The following BRPF1 variants were observed in gnomAD, a reference collection of about 807,000 sequenced individuals.
BRPF1 encodes the protein bromodomain and PHD finger containing 1.
Under a neutral mutation model 115.0 loss-of-function variants are expected in BRPF1, and 15 were observed. The ratio of observed to expected loss-of-function variants is 0.13; its 90% CI spans 0.09 to 0.20. The LOEUF is 0.20. Ranked by LOEUF, BRPF1 falls within the 10% of genes least tolerant of loss-of-function variation. BRPF1 has a pLI of 1.00. For missense variants in BRPF1, 1,118 were observed against 1,638.3 expected, an observed-to-expected ratio of 0.68 and a Z score of 5.48; for synonymous variants, 647 against 619.8, an observed-to-expected ratio of 1.04 and a Z score of -0.65.
chr3:9,745,773 C>T lies in BRPF1; in HGVS notation c.3206-39C>T. On this transcript the variant is annotated intron_variant, in intron 11 of 13. Coordinates refer to ENST00000383829, the MANE Select transcript of BRPF1 (RefSeq NM_001003694.2). The surrounding 1 kb of genome is among the most constrained non-coding windows in gnomAD (Gnocchi z 5.1). The stretch of plus-strand genomic sequence containing the variant: ...CAGTGTCAGGGTCTCGCCAGCCCCC[C>T]AGCTGCTGATCCACCCCCTCTCCCC... 1 of 1,610,862 alleles carries T rather than the reference C, an allele frequency of 6.2e-7. No individual in the cohort carries two copies. Among genetic ancestry groups the T allele is most frequent in the Non-Finnish European group, 8.5e-7 (1 of 1,177,334 alleles).
Position 9,734,552 on chromosome 3 carries a change from A to G in BRPF1, c.412A>G (p.Asn138Asp). ...CCCTGAGAATGGCAGCAACAAGGAG[A>G]ACACTGAGACACCAGCTGCTACTCC... ...EAPENGSNKE[N>D]TETPAATPKS... The change falls in exon 2 of 14, where the codon AAC becomes GAC. Residue 138 changes from asparagine to aspartate, a missense_variant. By Grantham distance (23) the Asn-to-Asp change is conservative. Around this residue, in one of 10 missense-constraint regions of BRPF1, gnomAD observed 280 missense variants for 382.8 expected, o/e 0.73. Coordinates refer to ENST00000383829, the MANE Select transcript of BRPF1 (RefSeq NM_001003694.2). This position sits in a 1 kb window ranked among gnomAD's most constrained non-coding sequence, Gnocchi z 5.7. 6.2e-7 allele frequency: 1 copy of G among 1,614,114 alleles called. No homozygotes were observed. The highest frequency in any genetic ancestry group is 1.1e-5 in the South Asian group (1 of 91,076).
Position 9,743,465 on chromosome 3 carries a change from G to A in BRPF1, c.2312-113G>A, listed in dbSNP as rs1035655775. ...ATCTTGGTGCTGCTATTTTACAGCT[G>A]TTCCTGGTGAGAAGCCCAGGGGGGA... is the stretch of plus-strand genomic sequence containing the variant. On this transcript the variant is annotated intron_variant, in intron 7 of 13. Coordinates refer to ENST00000383829, the MANE Select transcript of BRPF1 (RefSeq NM_001003694.2). The surrounding 1 kb of genome is among the most constrained non-coding windows in gnomAD (Gnocchi z 6.1). 31 of 1,317,742 alleles carry A rather than the reference G, an allele frequency of 2.4e-5. No homozygotes were observed. The African/African-American group carries it at 3.7e-4, about 16-fold the overall frequency. The allele number at this position is 1,317,742 out of a possible 1,614,324, so 81.6% of individuals were successfully genotyped here.
intron 4 of BRPF1, 134 bp downstream of exon 4, chr3:9,741,075 A>C (rs1310497647): frequency 1.9e-6 from 2 of 1,074,238 alleles, no homozygotes; most frequent in African/African-American, 1.6e-5. Flanking sequence ...AACCAGGATC[A>C]GCATGGAATG....
In BRPF1 at chr3:9,739,053, C is replaced by T. The variant is rs17050537; in HGVS notation, c.654C>T (p.Asp218=). The T allele has an allele frequency of 1.2e-3, 1,917 of 1,608,842 alleles. 22 individuals are homozygous for T. In the African/African-American group the frequency reaches 0.022, roughly 19 times the overall value. ...ACGAGGAAGTAGAGTATGACATGGA[C>T]GAGGAGGACTACATCTGGCTGGATA... ...ELDEEVEYDM[D]EEDYIWLDIM... Residue 218 remains aspartate, a synonymous_variant, in exon 3 of 14, where the codon GAC becomes GAT. Coordinates refer to ENST00000383829, the MANE Select transcript of BRPF1 (RefSeq NM_001003694.2).
rs2077068487 is a variant in BRPF1, at chr3:9,743,586, G to A, written c.2320G>A (p.Glu774Lys). 1 of 1,612,588 alleles carries A rather than the reference G, an allele frequency of 6.2e-7. No individual in the cohort carries two copies. ...TCCAACCCTACCCCTAGCAGCCGAGGAAGAGCGGCTGGTCTTGCTGGAGAA... is the reference window on the plus strand; with the variant it reads ...TCCAACCCTACCCCTAGCAGCCGAGAAAGAGCGGCTGGTCTTGCTGGAGAA... ...ATHHTEDAAE[E>K]ERLVLLENQK... The change falls in exon 8 of 14, where the codon GAA becomes AAA. Residue 774 changes from glutamate to lysine, a missense_variant. By Grantham distance (56) the Glu-to-Lys change is moderately conservative. Transcript: ENST00000383829. The surrounding 1 kb of genome is among the most constrained non-coding windows in gnomAD (Gnocchi z 6.1).
At position 9,745,020 on chromosome 3, in the gene BRPF1, A is replaced by C; in HGVS notation, c.2933A>C (p.Asn978Thr). The change falls in exon 10 of 14, where the codon AAT becomes ACT. Residue 978 changes from asparagine to threonine, a missense_variant. Transcript: ENST00000383829. This position sits in a 1 kb window ranked among gnomAD's most constrained non-coding sequence, Gnocchi z 5.1. ...CCCTTCAACCAAGACTTACCAGCCA[A>C]TGGCTTCAGCGGTGGAAACCAACCA... ...TEDPPMDLPA[N>T]GFSGGNQPVK... 6.2e-7 allele frequency: 1 copy of C among 1,614,192 alleles called. No homozygotes were observed. The highest frequency in any genetic ancestry group is 8.5e-7 in the Non-Finnish European group (1 of 1,180,022).
chr3:9,747,467 C>G lies in BRPF1; in HGVS notation c.*118C>G. ...TCATTTCTGGTCTTGGGGCCAGTCT[C>G]AGGGGAAGCTGGGTGGGGGAGGTCC... On this transcript the variant is annotated 3_prime_UTR_variant, in exon 14 of 14. Transcript: ENST00000383829. The surrounding 1 kb of genome is among the most constrained non-coding windows in gnomAD (Gnocchi z 5.6). The G allele has an allele frequency of 7.6e-7, 1 of 1,316,986 alleles. No homozygotes were observed. Among genetic ancestry groups the G allele is most frequent in the Non-Finnish European group, 1.1e-6 (1 of 952,130 alleles). 81.6% of individuals were successfully genotyped at this position (1,316,986 alleles called of 1,614,324 possible).
rs2125511490 is a variant in BRPF1, at chr3:9,744,376, G to A, written c.2788G>A (p.Gly930Arg). 1.9e-6 allele frequency: 3 copies of A among 1,613,186 alleles called. No individual in the cohort carries two copies. The highest frequency in any genetic ancestry group is 2.2e-5 in the East Asian group (1 of 44,820). ...GGAGAGCCAGATGACCCCCAGCCAC[G>A]GAGGCAGTCCTGTGGGGCCCCCCCA... ...NRESQMTPSH[G>R]GSPVGPPQLP... The change falls in exon 9 of 14, where the codon GGA becomes AGA. Residue 930 changes from glycine to arginine, a missense_variant. By Grantham distance (125) the Gly-to-Arg change is moderately radical (BLOSUM62 -2). This residue lies in a region of BRPF1 where 92 missense variants were observed against 102.2 expected (regional missense o/e 0.90). Coordinates refer to ENST00000383829, the MANE Select transcript of BRPF1 (RefSeq NM_001003694.2).
At position 9,745,667 on chromosome 3, in the gene BRPF1, G is replaced by A; in HGVS notation, c.3163G>A (p.Glu1055Lys). Residue 1055 changes from glutamate to lysine, a missense_variant, in exon 11 of 14, where the codon GAG (glutamate) becomes AAG (lysine). Physicochemically the swap from Glu to Lys is moderately conservative, Grantham distance 56. Transcript: ENST00000383829. The surrounding 1 kb of genome is among the most constrained non-coding windows in gnomAD (Gnocchi z 5.1). ...TGAGGATACCTCAGGCACTGAGAAT[G>A]AGGCCTACTCCGTGGGCACTGGCCG... ...SSEDTSGTEN[E>K]AYSVGTGRGV... The A allele has an allele frequency of 6.2e-7, 1 of 1,614,274 alleles. No homozygotes were observed. The highest frequency in any genetic ancestry group is 8.5e-7 in the Non-Finnish European group (1 of 1,180,054).
At chr3:9,740,138 T>G (rs184154887) in intron 3 of BRPF1, among the ~76,000 whole-genome samples, 180 bp downstream of exon 3, 64 of 152,354 alleles carry the variant, frequency 4.2e-4, no homozygotes, top group Non-Finnish European at 7.3e-4. Flanking sequence ...ACTTTCACAT[T>G]AAGAGCCAGA....
At chr3:9,742,276 C>T (rs1234769126) in intron 6 of BRPF1, 105 bp downstream of exon 6, 1 of 1,536,320 alleles carries the variant, frequency 6.5e-7, no homozygotes, top group Non-Finnish European at 8.7e-7. Context: ...AAGAGAGGGG[C>T]TGGTGGCTCT....
At chr3:9,741,733 C>T (rs2077035202) in intron 5 of BRPF1, among the ~76,000 whole-genome samples, 1 of 151,896 alleles carries the variant, frequency 6.6e-6, no homozygotes, top group Non-Finnish European at 1.5e-5. Context: ...TCTCCTGGTG[C>T]TCGGTGTGCT....
intron 5 of BRPF1, among the ~76,000 whole-genome samples, 155 bp from the exon 6 acceptor site, chr3:9,741,870 G>C (rs1194784298): frequency 6.6e-6 from 1 of 152,196 alleles, no homozygotes; most frequent in Non-Finnish European, 1.5e-5. Flanking sequence ...AAGTTTCCCT[G>C]GGTGGAGCCT....
In BRPF1 at chr3:9,734,773, C is replaced by G; in HGVS notation, c.599+34C>G. The G allele has an allele frequency of 6.2e-7, 1 of 1,608,542 alleles. No homozygotes were observed. ...ACCTCTACCTTGCAGCTCTGGAAAA[C>G]TGGTCAAGCAGGGCTCACTAGCCAG... On this transcript the variant is annotated intron_variant, in intron 2 of 13. Transcript: ENST00000383829. This position sits in a 1 kb window ranked among gnomAD's most constrained non-coding sequence, Gnocchi z 5.7.
At chr3:9,732,771 C>T (rs2076876479) in intron 1 of BRPF1, 1 of 152,232 alleles carries the variant, frequency 6.6e-6, no homozygotes, top group African/African-American at 2.4e-5. Context: ...CTGGAGCAGC[C>T]CACTTGCCTG....
chr3:9,743,194 C>T lies in BRPF1; in HGVS notation c.2252C>T (p.Thr751Met), dbSNP rs755316088. 3.2e-5 allele frequency: 51 copies of T among 1,614,120 alleles called. No homozygotes were observed. Among genetic ancestry groups the T allele is most frequent in the Non-Finnish European group, 4.1e-5 (48 of 1,180,048 alleles). ...QAEKMGIDFE[T>M]GMHIPHSLAG... ...GAAAAAATGGGCATTGACTTTGAGA[C>T]GGGCATGCATATCCCCCACAGCCTG... Residue 751 changes from threonine to methionine, a missense_variant, in exon 7 of 14, where the codon ACG (threonine) becomes ATG (methionine). By Grantham distance (81) the Thr-to-Met change is moderately conservative. Transcript: ENST00000383829. The surrounding 1 kb of genome is among the most constrained non-coding windows in gnomAD (Gnocchi z 6.1).
Position 9,739,332 on chromosome 3 carries a change from T to C in BRPF1, c.933T>C (p.Pro311=), listed in dbSNP as rs1186137856. 1.9e-6 allele frequency: 3 copies of C among 1,614,086 alleles called. No individual in the cohort carries two copies. The highest frequency in any genetic ancestry group is 3.3e-5 in the Admixed American group (2 of 60,008). The change falls in exon 3 of 14, where the codon CCT becomes CCC. Residue 311 remains proline (P), a synonymous_variant. Coordinates refer to ENST00000383829, the MANE Select transcript of BRPF1 (RefSeq NM_001003694.2). ...AGTGCTACGGTGTCCCCTATATCCC[T>C]GAGGGCCAGTGGCTGTGCCGCCGTT... ...HQECYGVPYI[P]EGQWLCRRCL...
At position 9,745,154 on chromosome 3, in the gene BRPF1, A is replaced by G. The variant is rs2125513589; in HGVS notation, c.3067A>G (p.Ser1023Gly). The change falls in exon 10 of 14, where the codon AGC (serine) becomes GGC (glycine). Residue 1023 changes from serine to glycine, a missense_variant and splice_region_variant. This residue lies in a region of BRPF1 where 100 missense variants were observed against 109.9 expected (regional missense o/e 0.91). Transcript: ENST00000383829. This position sits in a 1 kb window ranked among gnomAD's most constrained non-coding sequence, Gnocchi z 5.1. Reference sequence around the variant, plus strand: ...TAGCAGCGCTGCTTCAGACCGGACCAGGTACCAGCCCTCCAGATCGAGGCC... The same window carrying G: ...TAGCAGCGCTGCTTCAGACCGGACCGGGTACCAGCCCTCCAGATCGAGGCC... ...SSSSAASDRTSTTPSKQGRGK... is the reference protein window; with the variant it reads ...SSSSAASDRTGTTPSKQGRGK... The G allele has an allele frequency of 6.2e-7, 1 of 1,613,828 alleles. No individual in the cohort carries two copies. The highest frequency in any genetic ancestry group is 8.5e-7 in the Non-Finnish European group (1 of 1,179,898).
rs565504614 is a variant in BRPF1, at chr3:9,746,335, C to T, written c.3360C>T (p.Phe1120=). The T allele has an allele frequency of 3.1e-6, 5 of 1,593,160 alleles. No homozygotes were observed. In the African/African-American group the frequency reaches 4.0e-5, roughly 13 times the overall value. ...CAAAGATGCCCCGAGAAGGTATGTT[C>T]CACCATGGGGTTCCCATCCCTGTGC... ...IDPKMPREGM[F]HHGVPIPVPP... Residue 1120 remains phenylalanine, a synonymous_variant, in exon 13 of 14, where the codon TTC becomes TTT. Coordinates refer to ENST00000383829, the MANE Select transcript of BRPF1 (RefSeq NM_001003694.2).
Sources: gnomAD v4.1 joint callset for allele counts (sites outside exome capture counted in the v4.1 genomes callset) on GRCh38, gnomAD v4.1.1 for gene constraint, gnomAD v4.1.1 regional missense constraint, Gnocchi (gnomAD v3.1) non-coding constraint, MANE v1.5 for transcripts, NCBI Gene and HGNC (gene_info 2026-07-23, HGNC 2026-07-21) for gene names.